Variants in FDX1 observed in about 807,000 individuals in gnomAD.
FDX1 encodes adrenodoxin, mitochondrial.
FDX1 carries 9 observed loss-of-function variants against 14.9 expected under a neutral mutation model. The observed-to-expected ratio is 0.60, with a 90% CI of 0.36 to 1.05. FDX1 has a LOEUF of 1.05. Among genes scored for constraint, FDX1 ranks in the 50% least tolerant of loss-of-function variants. The probability of loss-of-function intolerance (pLI) is 0.01; values close to 1 mark genes in which losing one functional copy is unlikely to be tolerated. For missense variants in FDX1, 204 were observed against 237.2 expected (o/e 0.86, Z 0.92); for synonymous variants, 92 against 99.4 (o/e 0.93, Z 0.44).
intron 2 of FDX1, among the ~76,000 whole-genome samples, chr11:110,456,493 C>G (rs923483165): frequency 4.2e-5 from 6 of 142,228 alleles, no homozygotes; most frequent in African/African-American, 1.6e-4. Context: ...TCATTTTCAC[C>G]TTTCATTTAT....
chr11:110,461,636 A>G (rs780759254), intron 3 of FDX1, among the ~76,000 whole-genome samples: 10 of 150,238 alleles, frequency 6.7e-5, no homozygotes, highest in Non-Finnish European at 1.2e-4. Context: ...TTCTTTCTGT[A>G]TTCTTCTTCA....
chr11:110,455,301 GT>G (rs945383908), intron 2 of FDX1, among the ~76,000 whole-genome samples: 5 of 148,520 alleles, frequency 3.4e-5, no homozygotes, highest in African/African-American at 7.4e-5. Flanking sequence ...TGCCCGGCCT[GT>G]TTTTTTTTTC....
At chr11:110,456,775 C>A in intron 2 of FDX1, 143 bp from the exon 3 acceptor site, 1 of 758,450 alleles carries the variant, frequency 1.3e-6, no homozygotes, top group Non-Finnish European at 2.0e-6. Flanking sequence ...TCCTAAAGTG[C>A]TGGGATTACA....
chr11:110,446,978 C>A (rs1946453936), intron 2 of FDX1, among the ~76,000 whole-genome samples: 1 of 152,070 alleles, frequency 6.6e-6, no homozygotes, highest in Non-Finnish European at 1.5e-5. Context: ...AGTTTGAGAC[C>A]AGCCTGGGCA....
intron 1 of FDX1, among the ~76,000 whole-genome samples, chr11:110,431,255 C>T (rs1359913554): frequency 2.6e-5 from 4 of 152,168 alleles, no homozygotes; most frequent in African/African-American, 9.7e-5. Context: ...CAAAGACACT[C>T]CTTAGATATA....
chr11:110,433,357 C>T (rs752048707), intron 1 of FDX1, among the ~76,000 whole-genome samples: 1 of 152,208 alleles, frequency 6.6e-6, no homozygotes, highest in Non-Finnish European at 1.5e-5. Flanking sequence ...TTTCTGTCTT[C>T]CCCAAAGTTC....
At chr11:110,434,461 C>T (rs1002908521) in intron 1 of FDX1, among the ~76,000 whole-genome samples, 9 of 151,552 alleles carry the variant, frequency 5.9e-5, no homozygotes, top group African/African-American at 1.9e-4. Flanking sequence ...CTCAGCCTCC[C>T]GAGTAGCTGG....
In FDX1 at chr11:110,430,129, C is replaced by G. The variant is rs577889448; in HGVS notation, c.9C>G (p.Ala3=). 2 of 1,239,292 alleles carry G rather than the reference C, an allele frequency of 1.6e-6. No homozygotes were observed. Among genetic ancestry groups the G allele is most frequent in the Non-Finnish European group, 2.0e-6 (2 of 994,672 alleles). The allele number at this position is 1,239,292 out of a possible 1,614,324, so 76.8% of individuals were successfully genotyped here. The change falls in exon 1 of 4, where the codon GCC becomes GCG. Residue 3 remains alanine (A), a synonymous_variant. Transcript: ENST00000260270. ...GTTCCCGACCGCGGGCGATGGCTGC[C>G]GCTGGGGGCGCCCGGCTGCTGCGCG... MA[A]AGGARLLRAA...
At chr11:110,438,889 A>G (rs906352572) in intron 2 of FDX1, among the ~76,000 whole-genome samples, 1 of 151,730 alleles carries the variant, frequency 6.6e-6, no homozygotes, top group Non-Finnish European at 1.5e-5. Context: ...CTCATTCTGT[A>G]GGGTGTTTAC....
At chr11:110,434,725 G>GTTTTTTTTTT (rs56907322) in intron 1 of FDX1, among the ~76,000 whole-genome samples, 59 of 105,706 alleles carry the variant, frequency 5.6e-4, no homozygotes, top group Non-Finnish European at 8.5e-4. Context: ...GACTTTTTTT[G>GTTTTTTTTTT]TTTTTTTTTT....
At chr11:110,439,464 C>T (rs1413838564) in intron 2 of FDX1, among the ~76,000 whole-genome samples, 2 of 152,154 alleles carry the variant, frequency 1.3e-5, no homozygotes, top group Admixed American at 6.5e-5. Context: ...GATTTGGCCT[C>T]CCAAAGTGCT....
chr11:110,448,861 G>A (rs1182399384), intron 2 of FDX1, among the ~76,000 whole-genome samples: 2 of 152,158 alleles, frequency 1.3e-5, no homozygotes, highest in Non-Finnish European at 2.9e-5. Context: ...GGCTGTGTGA[G>A]TTGTAAATTT....
chr11:110,433,316 A>G (rs1052547770), intron 1 of FDX1, among the ~76,000 whole-genome samples: 2 of 152,238 alleles, frequency 1.3e-5, no homozygotes. Context: ...CTTTTTCATT[A>G]TTAAATTCAG....
chr11:110,449,832 T>G (rs1398180141), intron 2 of FDX1, among the ~76,000 whole-genome samples: 2 of 152,180 alleles, frequency 1.3e-5, no homozygotes, highest in African/African-American at 4.8e-5. Context: ...TTCACCATGT[T>G]GGCCAGGCTG....
intron 2 of FDX1, among the ~76,000 whole-genome samples, chr11:110,454,755 C>T (rs941280827): frequency 5.3e-5 from 8 of 151,986 alleles, no homozygotes; most frequent in African/African-American, 1.9e-4. Context: ...ATGTGTAATT[C>T]TTGGAACTAC....
chr11:110,438,870 A>G (rs1361980861), intron 2 of FDX1, among the ~76,000 whole-genome samples: 1 of 151,804 alleles, frequency 6.6e-6, no homozygotes, highest in Non-Finnish European at 1.5e-5. Context: ...TAGTTTGTGA[A>G]TATTTTCTCT....
chr11:110,458,684 T>G (rs796834068), intron 3 of FDX1, among the ~76,000 whole-genome samples: 10 of 152,122 alleles, frequency 6.6e-5, no homozygotes, highest in African/African-American at 2.4e-4. Flanking sequence ...CTTGGCTCAC[T>G]GCAACCTCTG....
chr11:110,444,702 A>ACG (rs1452244974), intron 2 of FDX1, among the ~76,000 whole-genome samples: 12 of 55,998 alleles, frequency 2.1e-4, no homozygotes, highest in East Asian at 1.6e-3. Context: ...ATATATATAT[A>ACG]TACGTATATA....
Position 110,430,255 on chromosome 11 carries a change from G to C in FDX1, c.135G>C (p.Gly45=), listed in dbSNP as rs138066706. ...SGLLRNRGPG[G]SAEASRSLSV... Reference sequence around the variant, plus strand: ...TGCTGAGGAACCGGGGGCCGGGCGGGAGCGCGGAGGCGAGCCGGTCGCTGA... The same window carrying C: ...TGCTGAGGAACCGGGGGCCGGGCGGCAGCGCGGAGGCGAGCCGGTCGCTGA... Residue 45 remains glycine (G), a synonymous_variant, in exon 1 of 4, where the codon GGG becomes GGC. Coordinates refer to ENST00000260270, the MANE Select transcript of FDX1 (RefSeq NM_004109.5). 9 of 1,205,118 alleles carry C rather than the reference G, an allele frequency of 7.5e-6. No homozygotes were observed. Among genetic ancestry groups the C allele is most frequent in the Admixed American group, 4.4e-5 (1 of 22,700 alleles). 74.7% of individuals were successfully genotyped at this position (1,205,118 alleles called of 1,614,324 possible). A position where few individuals can be genotyped will look rare whatever the true frequency, so the allele number is the denominator to read the frequency against.
Sources: allele counts gnomAD v4.1 joint callset (sites outside exome capture counted in the v4.1 genomes callset), GRCh38; gene constraint gnomAD v4.1.1; transcripts MANE v1.5; gene names NCBI Gene and HGNC (gene_info 2026-07-23, HGNC 2026-07-21).